PADI6: variants seen among roughly 807,000 people sequenced by gnomAD.
The protein encoded by PADI6 is peptidyl arginine deiminase 6.
PADI6 carries 66 observed loss-of-function variants against 78.2 expected under a neutral mutation model. That is an observed-to-expected ratio of 0.84 (90% CI 0.69 to 1.04). The LOEUF is 1.04. PADI6 is among the 50% of genes least tolerant of loss of function. PADI6 has a pLI of 0.00. For synonymous variants in PADI6, 397 were observed against 346.9 expected (o/e 1.14, Z -1.60); for missense variants, 854 against 866.1 (o/e 0.99, Z 0.18).
chr1:17,395,184 A>T (rs2075233556), intron 12 of PADI6, 77 bp downstream of exon 12: 1 of 1,512,526 alleles, frequency 6.6e-7, no homozygotes, highest in African/African-American at 1.4e-5. Flanking sequence ...CTGGAGAGAA[A>T]ACTGGCTTTT....
At chr1:17,378,575 C>T (rs1216941193) in intron 3 of PADI6, among the ~76,000 whole-genome samples, 2 of 152,062 alleles carry the variant, frequency 1.3e-5, no homozygotes, top group African/African-American at 4.8e-5. Flanking sequence ...AGTACCTGGG[C>T]AAAAGCCTAG....
At chr1:17,392,819 G>T (rs2075201213) in intron 9 of PADI6, among the ~76,000 whole-genome samples, 1 of 152,190 alleles carries the variant, frequency 6.6e-6, no homozygotes, top group African/African-American at 2.4e-5. Context: ...GAAACAAGGA[G>T]CTGGCCATGC....
chr1:17,395,609 T>C lies in PADI6; in HGVS notation c.1564T>C (p.Tyr522His). Residue 522 changes from tyrosine to histidine, a missense_variant, in exon 13 of 16, where the codon TAT becomes CAT. By Grantham distance (83) the Tyr-to-His change is moderately conservative. Transcript: ENST00000619609. ...GTTCCGAGAGAAACAGAAGGAAGGC[T>C]ATGGCGACGCTCTTCTGTTTGATGA... ...KLFREKQKEGYGDALLFDELR... is the reference protein window; with the variant it reads ...KLFREKQKEGHGDALLFDELR... The C allele has an allele frequency of 1.2e-6, 2 of 1,602,986 alleles. No homozygotes were observed. The highest frequency in any genetic ancestry group is 1.7e-6 in the Non-Finnish European group (2 of 1,175,084).
chr1:17,378,417 C>T (rs577439573), intron 3 of PADI6, among the ~76,000 whole-genome samples: 119 of 152,258 alleles, frequency 7.8e-4, no homozygotes, highest in African/African-American at 2.8e-3. Flanking sequence ...ACAAGTCCTG[C>T]GTTCGTGGCC....
intron 11 of PADI6, 51 bp downstream of exon 11, chr1:17,394,505 T>C: frequency 6.3e-7 from 1 of 1,577,076 alleles, no homozygotes; most frequent in Non-Finnish European, 8.6e-7. Context: ...ACCATGGTCG[T>C]TCCCCTGGCC....
chr1:17,399,724 A>T (rs560618491), intron 15 of PADI6, among the ~76,000 whole-genome samples: 103 of 139,080 alleles, frequency 7.4e-4, no homozygotes, highest in African/African-American at 2.7e-3. Context: ...GAGACCCTGC[A>T]ACTTTAAAAA....
intron 2 of PADI6, 128 bp downstream of exon 2, chr1:17,373,361 TC>T: frequency 1.8e-6 from 2 of 1,119,698 alleles, no homozygotes; most frequent in Non-Finnish European, 2.5e-6. Context: ...TCTGATCTCA[TC>T]CAGTGTCTGC....
At chr1:17,388,737 T>A in intron 7 of PADI6, 40 bp from the exon 8 acceptor site, 1 of 1,586,032 alleles carries the variant, frequency 6.3e-7, no homozygotes, top group Non-Finnish European at 8.6e-7. Context: ...AGCGAGTAAA[T>A]GTGGAAGCAG....
rs150602901 is a variant in PADI6 at position 17,377,016 on chromosome 1, G to T, written c.367+1517G>T. ...GCCTCTCCAGTAGCTTGGACCATAG[G>T]TGTTATACCACCATACTTGGTTAAT... On this transcript the variant is annotated intron_variant, in intron 3 of 15. Coordinates refer to ENST00000619609, the MANE Select transcript of PADI6 (RefSeq NM_207421.4). Among the ~76,000 whole-genome samples the T allele has an allele frequency of 6.2e-3, 951 of 152,202 alleles. 11 individuals carry two copies. Among genetic ancestry groups the T allele is most frequent in the African/African-American group, 0.021 (873 of 41,530 alleles).
chr1:17,382,126 G>T, intron 6 of PADI6, 34 bp downstream of exon 6: 1 of 1,608,074 alleles, frequency 6.2e-7, no homozygotes, highest in Non-Finnish European at 8.5e-7. Flanking sequence ...AGCTTTGCCT[G>T]CTCTCGACGT....
At position 17,372,288 on chromosome 1, in the gene PADI6, AT is replaced by A; in HGVS notation, c.44del (p.Ile15ThrfsTer43). ...EGRAMSFQSI[I>X]HLSLDSPVHA... ...CCGAGCCATGTCCTTCCAGAGTATCATCCACCTGTCCCTGGACAGCCCTGTC... is the reference window on the plus strand; with the variant it reads ...CCGAGCCATGTCCTTCCAGAGTATCACCACCTGTCCCTGGACAGCCCTGTC... On this transcript the variant is annotated frameshift_variant, in exon 1 of 16. Transcript: ENST00000619609. LOFTEE classifies it high-confidence loss of function. The A allele has an allele frequency of 1.2e-6, 2 of 1,613,934 alleles. No homozygotes were observed. The highest frequency in any genetic ancestry group is 1.7e-6 in the Non-Finnish European group (2 of 1,179,872).
intron 5 of PADI6, 59 bp downstream of exon 5, chr1:17,381,223 A>G: frequency 2.8e-6 from 4 of 1,412,850 alleles, no homozygotes; most frequent in Non-Finnish European, 1.9e-6. Context: ...CCTGCTTCTC[A>G]GCAAATGGAT....
chr1:17,382,432 A>G (rs2075081851), intron 6 of PADI6, among the ~76,000 whole-genome samples: 1 of 152,204 alleles, frequency 6.6e-6, no homozygotes, highest in Non-Finnish European at 1.5e-5. Context: ...CACATCTCCC[A>G]GTGACTCCTC....
intron 13 of PADI6, among the ~76,000 whole-genome samples, chr1:17,396,228 A>G (rs2075246083): frequency 6.6e-6 from 1 of 152,084 alleles, no homozygotes; most frequent in South Asian, 2.1e-4. Context: ...TCTACTAAAG[A>G]TACGAAAATT....
At chr1:17,382,796 T>C (rs1381182708) in intron 6 of PADI6, among the ~76,000 whole-genome samples, 2 of 152,192 alleles carry the variant, frequency 1.3e-5, no homozygotes, top group African/African-American at 4.8e-5. Context: ...GTTTTGTTTT[T>C]CCCCTTTGAG....
At chr1:17,377,015 G>C (rs1322307693) in intron 3 of PADI6, among the ~76,000 whole-genome samples, 1 of 152,046 alleles carries the variant, frequency 6.6e-6, no homozygotes, top group Non-Finnish European at 1.5e-5. Flanking sequence ...TTGGACCATA[G>C]GTGTTATACC....
rs774696472 is a variant in PADI6 at position 17,379,970 on chromosome 1, A to C, written c.418A>C (p.Ser140Arg). 15 of 1,613,416 alleles carry C rather than the reference A, an allele frequency of 9.3e-6. No individual in the cohort carries two copies. Among genetic ancestry groups the C allele is most frequent in the Non-Finnish European group, 8.5e-7 (1 of 1,179,566 alleles). ...CCGCAATGGGCAAGTTGAGATGTCA[A>C]GTGACAAACAGGCTAAGGTGAGTCT... The part of the protein sequence containing the change: ...IYRNGQVEMS[S>R]DKQAKKKWIW... The change falls in exon 4 of 16, where the codon AGT (serine) becomes CGT (arginine). Residue 140 changes from serine (S) to arginine (R), a missense_variant. Physicochemically the swap from Ser to Arg is moderately radical, Grantham distance 110 (BLOSUM62 -1). Coordinates refer to ENST00000619609, the MANE Select transcript of PADI6 (RefSeq NM_207421.4).
At chr1:17,394,137 C>A in intron 10 of PADI6, 55 bp downstream of exon 10, 2 of 1,581,746 alleles carry the variant, frequency 1.3e-6, no homozygotes, top group Non-Finnish European at 8.7e-7. Context: ...AGGCCTGGGG[C>A]CTGCCTAGAA....
chr1:17,393,819 T>C (rs2100319771), intron 9 of PADI6, among the ~76,000 whole-genome samples, 156 bp from the exon 10 acceptor site: 1 of 152,072 alleles, frequency 6.6e-6, no homozygotes, highest in South Asian at 2.1e-4. Flanking sequence ...GAGAGAGGGA[T>C]CGGAGAGCCT....
Sources: allele counts gnomAD v4.1 joint callset (sites outside exome capture counted in the v4.1 genomes callset), GRCh38; gene constraint gnomAD v4.1.1; transcripts MANE v1.5; gene names NCBI Gene and HGNC (gene_info 2026-07-23, HGNC 2026-07-21).